The following MAPRE3 variants were observed in gnomAD, a reference collection of about 807,000 sequenced individuals.
The protein encoded by MAPRE3 is microtubule associated protein RP/EB family member 3.
In MAPRE3, 2 loss-of-function variants were observed where a neutral mutation model predicts 30.5. The observed-to-expected ratio is 0.07, with a 90% CI of 0.03 to 0.21. The LOEUF is 0.21. Among genes scored for constraint, MAPRE3 ranks in the 10% least tolerant of loss-of-function variants. The probability of loss-of-function intolerance (pLI) is 1.00; values close to 1 mark genes in which losing one functional copy is unlikely to be tolerated. For synonymous variants in MAPRE3, 110 were observed against 127.7 expected, an observed-to-expected ratio of 0.86 and a Z score of 0.93; for missense variants, 204 against 351.8, an observed-to-expected ratio of 0.58 and a Z score of 3.36.
intron 1 of MAPRE3, among the ~76,000 whole-genome samples, chr2:26,994,824 C>CTTTTTT (rs59415017): frequency 1.3e-5 from 1 of 76,746 alleles, no homozygotes; most frequent in African/African-American, 4.8e-5. Context: ...TCTTCTTCTT[C>CTTTTTT]TTTTTTTTTT....
intron 1 of MAPRE3, among the ~76,000 whole-genome samples, chr2:26,991,858 T>G (rs991660042): frequency 6.6e-6 from 1 of 152,282 alleles, no homozygotes; most frequent in Middle Eastern, 3.4e-3. Flanking sequence ...ACTAAAAGCA[T>G]CGGGCATTCC....
intron 1 of MAPRE3, among the ~76,000 whole-genome samples, chr2:26,977,369 A>C (rs1666033284): frequency 6.6e-6 from 1 of 152,224 alleles, no homozygotes. Context: ...GGAAGGTTTT[A>C]GTAAAACCTT....
chr2:27,017,838 C>G (rs1667022054), intron 1 of MAPRE3, among the ~76,000 whole-genome samples: 1 of 151,876 alleles, frequency 6.6e-6, no homozygotes, highest in Non-Finnish European at 1.5e-5. Flanking sequence ...GTGCATATAA[C>G]ATATAATGTA....
At chr2:27,011,864 A>AAAG (rs58739829) in intron 1 of MAPRE3, 1 of 146,812 alleles carries the variant, frequency 6.8e-6, no homozygotes, top group East Asian at 2.0e-4. Flanking sequence ...AAAAAAAAAA[A>AAAG]GAAAGAGAGA....
At chr2:26,994,434 A>T (rs1294678650) in intron 1 of MAPRE3, among the ~76,000 whole-genome samples, 1 of 152,244 alleles carries the variant, frequency 6.6e-6, no homozygotes, top group African/African-American at 2.4e-5. Flanking sequence ...CTACCAGAGG[A>T]GACATCATTC....
rs80004404 is a variant in MAPRE3, at chr2:27,017,106, A to T, written c.-7-5106A>T. ...GCTACGAGAGGAAAATTAAAAGGGC[A>T]TCCTGCCCTCCCCAATGTGATGTTT... is the stretch of plus-strand genomic sequence containing the variant. On this transcript the variant is annotated intron_variant, in intron 1 of 6. Coordinates refer to ENST00000233121, the MANE Select transcript of MAPRE3 (RefSeq NM_012326.4). 7.0e-3 allele frequency among the ~76,000 whole-genome samples: 1,061 copies of T among 152,364 alleles called. 5 individuals carry two copies. Among genetic ancestry groups the T allele is most frequent in the Non-Finnish European group, 0.011 (750 of 68,034 alleles).
intron 1 of MAPRE3, chr2:27,014,868 G>A (rs1467597497): frequency 6.6e-6 from 1 of 152,362 alleles, no homozygotes; most frequent in Non-Finnish European, 1.5e-5. Flanking sequence ...TGGGCAGGAA[G>A]GGGTAGCCCA....
chr2:27,024,939 C>T (rs1227211837), intron 4 of MAPRE3, among the ~76,000 whole-genome samples: 3 of 152,164 alleles, frequency 2.0e-5, no homozygotes, highest in Admixed American at 6.5e-5. Context: ...TGCTGTTCTG[C>T]CTGGGCCTGC....
At position 27,019,286 on chromosome 2, in the gene MAPRE3, G is replaced by A. The variant is rs1667060421; in HGVS notation, c.-7-2926G>A. On this transcript the variant is annotated intron_variant, in intron 1 of 6. Transcript: ENST00000233121. Reference sequence around the variant, plus strand: ...TCATGGGCACATGTCTCCCACAGAGGGGGTCAGAAAAAGTCCCCTGGAGCT... The same window carrying A: ...TCATGGGCACATGTCTCCCACAGAGAGGGTCAGAAAAAGTCCCCTGGAGCT... Among the ~76,000 whole-genome samples the A allele has an allele frequency of 2.0e-5, 3 of 151,746 alleles. No homozygotes were observed. In the South Asian group the frequency reaches 6.3e-4, roughly 32 times the overall value.
At chr2:27,023,683 C>T in intron 3 of MAPRE3, 1 of 597,502 alleles carries the variant, frequency 1.7e-6, no homozygotes. Flanking sequence ...TGACAACATT[C>T]CTTTCCCTTC....
chr2:26,996,329 T>C (rs1666459193), intron 1 of MAPRE3, among the ~76,000 whole-genome samples: 1 of 151,814 alleles, frequency 6.6e-6, no homozygotes, highest in African/African-American at 2.4e-5. Flanking sequence ...TAATCTTTTT[T>C]ATTTTTAGTA....
intron 1 of MAPRE3, among the ~76,000 whole-genome samples, chr2:26,993,733 G>T (rs1033971233): frequency 6.6e-6 from 1 of 152,148 alleles, no homozygotes; most frequent in African/African-American, 2.4e-5. Flanking sequence ...GGAGTCATCT[G>T]CCCCCTTCTC....
At chr2:26,987,701 CA>C (rs1358219380) in intron 1 of MAPRE3, among the ~76,000 whole-genome samples, 1 of 151,950 alleles carries the variant, frequency 6.6e-6, no homozygotes, top group African/African-American at 2.4e-5. Context: ...TGGAGAATTT[CA>C]AAAAGAGATC....
intron 1 of MAPRE3, among the ~76,000 whole-genome samples, chr2:26,993,326 C>T (rs1209118292): frequency 2.0e-5 from 3 of 152,144 alleles, no homozygotes; most frequent in Admixed American, 6.5e-5. Context: ...GCCGAGATTG[C>T]GCCACTGTAC....
chr2:27,000,632 GA>G (rs1666574103), intron 1 of MAPRE3, among the ~76,000 whole-genome samples: 2 of 152,300 alleles, frequency 1.3e-5, no homozygotes, highest in South Asian at 4.1e-4. Context: ...TGAGAGACAG[GA>G]GGAGGAGGAG....
chr2:27,008,984 TTGACAAAA>T (rs1291677688), intron 1 of MAPRE3, among the ~76,000 whole-genome samples: 1 of 152,048 alleles, frequency 6.6e-6, no homozygotes, highest in African/African-American at 2.4e-5. Context: ...GTATATAACG[TTGACAAAA>T]TGACAAAATT....
At chr2:26,978,760 C>T (rs1366236692) in intron 1 of MAPRE3, among the ~76,000 whole-genome samples, 1 of 152,234 alleles carries the variant, frequency 6.6e-6, no homozygotes, top group Non-Finnish European at 1.5e-5. Context: ...ACGTATTCTT[C>T]ATCAAGCCCT....
intron 1 of MAPRE3, among the ~76,000 whole-genome samples, chr2:26,998,821 T>C (rs1666522853): frequency 6.6e-6 from 1 of 152,214 alleles, no homozygotes; most frequent in South Asian, 2.1e-4. Context: ...CCTTATGTCT[T>C]TTGCACACAG....
At chr2:27,002,101 G>A (rs1340399095) in intron 1 of MAPRE3, 1 of 152,240 alleles carries the variant, frequency 6.6e-6, no homozygotes, top group African/African-American at 2.4e-5. Flanking sequence ...TGAGAAAGCA[G>A]GCATTTTGTG....
Sources: gnomAD v4.1 joint callset for allele counts (sites outside exome capture counted in the v4.1 genomes callset) on GRCh38, gnomAD v4.1.1 for gene constraint, MANE v1.5 for transcripts, NCBI Gene and HGNC (gene_info 2026-07-23, HGNC 2026-07-21) for gene names.